The following ZC3H6 variants were observed in gnomAD, a reference collection of about 807,000 sequenced individuals.
ZC3H6 encodes the protein zinc finger CCCH-type containing 6, also known as zinc finger CCCH domain-containing protein 6.
ZC3H6 carries 40 observed loss-of-function variants against 107.7 expected under a neutral mutation model. The observed-to-expected ratio is 0.37, with a 90% CI of 0.29 to 0.48. ZC3H6 has a LOEUF of 0.48. Among genes scored for constraint, ZC3H6 ranks in the 20% least tolerant of loss-of-function variants. The pLI, the probability that ZC3H6 is intolerant of heterozygous loss-of-function variation, is 0.98. For synonymous variants in ZC3H6, 493 were observed against 487.9 expected, an observed-to-expected ratio of 1.01 and a Z score of -0.14; for missense variants, 1,267 against 1,410.4, an observed-to-expected ratio of 0.90 and a Z score of 1.63.
At chr2:112,285,190 C>G (rs1484771955) in intron 1 of ZC3H6, among the ~76,000 whole-genome samples, 2 of 152,112 alleles carry the variant, frequency 1.3e-5, no homozygotes, top group African/African-American at 2.4e-5. Context: ...TTCTTTCGTA[C>G]ATAAATAGCA....
Position 112,303,273 on chromosome 2 carries a change from T to G in ZC3H6, c.258T>G (p.Asp86Glu), listed in dbSNP as rs1219322177. The G allele has an allele frequency of 1.9e-6, 3 of 1,613,142 alleles. No homozygotes were observed. Among genetic ancestry groups the G allele is most frequent in the Non-Finnish European group, 2.5e-6 (3 of 1,179,246 alleles). ...ATGATAGTTCGGACTACAGCCTTGA[T>G]TCAGATGTTGAACATACAGAAAGTT... ...SSDDSSDYSLDSDVEHTESSH... is the reference protein window; with the variant it reads ...SSDDSSDYSLESDVEHTESSH... The change falls in exon 3 of 12, where the codon GAT becomes GAG. Residue 86 changes from aspartate to glutamate, a missense_variant. Asp to Glu is a conservative substitution (Grantham distance 45). Coordinates refer to ENST00000409871, the MANE Select transcript of ZC3H6 (RefSeq NM_198581.3).
At chr2:112,322,533 G>A (rs890726736) in intron 8 of ZC3H6, 116 bp from the exon 9 acceptor site, 14 of 1,197,166 alleles carry the variant, frequency 1.2e-5, no homozygotes, top group African/African-American at 9.3e-5. Context: ...GAGCCACTGC[G>A]ACCAGCCCAT....
At chr2:112,279,360 T>A (rs1686485840) in intron 1 of ZC3H6, among the ~76,000 whole-genome samples, 1 of 152,236 alleles carries the variant, frequency 6.6e-6, no homozygotes, top group Non-Finnish European at 1.5e-5. Context: ...AAGATAAATA[T>A]AACCCAAGTA....
In ZC3H6 at chr2:112,299,931, A is replaced by C. The variant is rs771337047; in HGVS notation, c.115A>C (p.Lys39Gln). The change falls in exon 2 of 12, where the codon AAG becomes CAG. Residue 39 changes from lysine (K) to glutamine (Q), a missense_variant. Transcript: ENST00000409871. ...AGAAAAAGAAGCAAAAGAGAATGAA[A>C]AGCAGAAAAGTGAGAAAGCCTACAG... ...IQEKEAKENE[K>Q]QKSEKAYRKS... is the part of the protein sequence containing the mutation. 5.5e-5 allele frequency: 84 copies of C among 1,517,494 alleles called. No homozygotes were observed. The highest frequency in any genetic ancestry group is 7.2e-5 in the Non-Finnish European group (82 of 1,133,106). 94.0% of individuals were successfully genotyped at this position (1,517,494 alleles called of 1,614,324 possible).
Position 112,337,233 on chromosome 2 carries a change from TC to T in ZC3H6, c.*4746del, listed in dbSNP as rs1425613110. 2.0e-5 allele frequency: 3 copies of T among 152,154 alleles called. No individual in the cohort carries two copies. Among genetic ancestry groups the T allele is most frequent in the Admixed American group, 6.5e-5 (1 of 15,270 alleles). 9.4% of individuals were successfully genotyped at this position (152,154 alleles called of 1,614,324 possible). On this transcript the variant is annotated 3_prime_UTR_variant, in exon 12 of 12. Transcript: ENST00000409871. ...ACTTCATGGTGAAAGTTTGGATTGA[TC>T]AATAATTTATTCCTATAAAGGTCTG...
At chr2:112,285,983 T>C (rs1262320303) in intron 1 of ZC3H6, 5 of 188,502 alleles carry the variant, frequency 2.7e-5, no homozygotes, top group Non-Finnish European at 5.6e-5. Flanking sequence ...ATTCTCACTT[T>C]CTGTTGTTGT....
chr2:112,294,614 C>A (rs1249511780), intron 1 of ZC3H6, among the ~76,000 whole-genome samples: 1 of 152,042 alleles, frequency 6.6e-6, no homozygotes, highest in Non-Finnish European at 1.5e-5. Context: ...TGATCTGTAG[C>A]TTGTAACAGG....
intron 11 of ZC3H6, among the ~76,000 whole-genome samples, chr2:112,328,861 C>T (rs772258244): frequency 9.2e-5 from 14 of 151,564 alleles, no homozygotes; most frequent in Non-Finnish European, 1.8e-4. Context: ...ATCGCTTGAA[C>T]CCAGGAGGCG....
At chr2:112,327,817 T>C (rs1676940826) in intron 11 of ZC3H6, among the ~76,000 whole-genome samples, 1 of 152,204 alleles carries the variant, frequency 6.6e-6, no homozygotes, top group African/African-American at 2.4e-5. Context: ...ATGGGTTCAC[T>C]GTAGATGTAT....
chr2:112,296,542 G>A (rs72833410), intron 1 of ZC3H6, among the ~76,000 whole-genome samples: 16,345 of 152,010 alleles, frequency 0.11, 1,191 homozygotes, highest in Non-Finnish European at 0.16. Context: ...CGGATTGTAA[G>A]GTTTTGTAGT....
At chr2:112,289,552 C>G (rs1676059866) in intron 1 of ZC3H6, among the ~76,000 whole-genome samples, 1 of 151,922 alleles carries the variant, frequency 6.6e-6, no homozygotes, top group Non-Finnish European at 1.5e-5. Context: ...GTCTCGATCT[C>G]CTGACCTTGT....
intron 1 of ZC3H6, among the ~76,000 whole-genome samples, chr2:112,287,299 AC>A (rs915151488): frequency 1.3e-4 from 20 of 152,252 alleles, no homozygotes; most frequent in African/African-American, 4.8e-4. Flanking sequence ...TAGCTTAGAT[AC>A]CCAAGAGAGT....
In ZC3H6 at chr2:112,303,358, C is replaced by T; in HGVS notation, c.336+7C>T. The T allele has an allele frequency of 1.9e-6, 3 of 1,608,292 alleles. No individual in the cohort carries two copies. Among genetic ancestry groups the T allele is most frequent in the Non-Finnish European group, 2.5e-6 (3 of 1,176,750 alleles). The stretch of plus-strand genomic sequence containing the variant: ...TGACATTCCATTTACTCAGGTATTG[C>T]CATTTTTTTGTTTTGTGATAAAACA... On this transcript the variant is annotated splice_region_variant and intron_variant, in intron 3 of 11. Coordinates refer to ENST00000409871, the MANE Select transcript of ZC3H6 (RefSeq NM_198581.3).
At chr2:112,324,731 T>A (rs932666155) in intron 10 of ZC3H6, 68 bp downstream of exon 10, 15 of 1,397,362 alleles carry the variant, frequency 1.1e-5, no homozygotes, top group Non-Finnish European at 1.4e-5. Context: ...ATTAAAAGCA[T>A]GACAGAAACG....
At chr2:112,288,425 C>G (rs1028269755) in intron 1 of ZC3H6, among the ~76,000 whole-genome samples, 3 of 152,160 alleles carry the variant, frequency 2.0e-5, no homozygotes, top group African/African-American at 7.2e-5. Context: ...GGGCTATCTA[C>G]TAGGTGGTAC....
Position 112,300,000 on chromosome 2 carries a change from T to C in ZC3H6, c.184T>C (p.Ser62Pro). 6.8e-7 allele frequency: 1 copy of C among 1,472,108 alleles called. No homozygotes were observed. Among genetic ancestry groups the C allele is most frequent in the Non-Finnish European group, 9.0e-7 (1 of 1,114,470 alleles). The allele number at this position is 1,472,108 out of a possible 1,614,324, so 91.2% of individuals were successfully genotyped here. A position where few individuals can be genotyped will look rare whatever the true frequency, so the allele number is the denominator to read the frequency against. The change falls in exon 2 of 12, where the codon TCC becomes CCC. Residue 62 changes from serine (S) to proline (P), a missense_variant. Ser to Pro is a moderately conservative substitution (Grantham distance 74, BLOSUM62 -1). Coordinates refer to ENST00000409871, the MANE Select transcript of ZC3H6 (RefSeq NM_198581.3). Reference sequence around the variant, plus strand: ...TAAGAAAGAGAGAGAGAAGAAAAAATCCAAAAGGAGAAAACGTGAGAAACA... The same window carrying C: ...TAAGAAAGAGAGAGAGAAGAAAAAACCCAAAAGGAGAAAACGTGAGAAACA... ...KHKKEREKKK[S>P]KRRKREKHKH... is the part of the protein sequence containing the mutation.
intron 1 of ZC3H6, among the ~76,000 whole-genome samples, chr2:112,296,082 A>G (rs975158806): frequency 6.6e-6 from 1 of 152,180 alleles, no homozygotes; most frequent in Non-Finnish European, 1.5e-5. Context: ...ACAATACTTA[A>G]ATGTATAACT....
rs1453300935 is a variant in ZC3H6, at chr2:112,335,963, T to G, written c.*3475T>G. The G allele has an allele frequency of 6.6e-6, 1 of 152,126 alleles. No homozygotes were observed. Among genetic ancestry groups the G allele is most frequent in the Non-Finnish European group, 1.5e-5 (1 of 68,026 alleles). The allele number at this position is 152,126 out of a possible 1,614,324, so 9.4% of individuals were successfully genotyped here. A position where few individuals can be genotyped will look rare whatever the true frequency, so the allele number is the denominator to read the frequency against. ...TGCTATGACAGTTCATGGTGCATGG[T>G]GTGTTTGTTTAAATCATAGCATGTT... On this transcript the variant is annotated 3_prime_UTR_variant, in exon 12 of 12. Coordinates refer to ENST00000409871, the MANE Select transcript of ZC3H6 (RefSeq NM_198581.3).
At position 112,332,154 on chromosome 2, in the gene ZC3H6, G is replaced by T; in HGVS notation, c.3236G>T (p.Gly1079Val). Residue 1079 changes from glycine to valine, a missense_variant, in exon 12 of 12, where the codon GGC becomes GTC. Transcript: ENST00000409871. ...ENSKNQKKSGGLKSSDKTEPS... is the reference protein window; with the variant it reads ...ENSKNQKKSGVLKSSDKTEPS... Reference sequence around the variant, plus strand: ...TCAAAGAACCAGAAAAAAAGTGGTGGCTTAAAAAGTAGTGACAAAACTGAA... The same window carrying T: ...TCAAAGAACCAGAAAAAAAGTGGTGTCTTAAAAAGTAGTGACAAAACTGAA... 6.2e-7 allele frequency: 1 copy of T among 1,613,888 alleles called. No homozygotes were observed. Among genetic ancestry groups the T allele is most frequent in the East Asian group, 2.2e-5 (1 of 44,876 alleles).
Sources: gnomAD v4.1 joint callset for allele counts (sites outside exome capture counted in the v4.1 genomes callset) on GRCh38, gnomAD v4.1.1 for gene constraint, MANE v1.5 for transcripts, NCBI Gene and HGNC (gene_info 2026-07-23, HGNC 2026-07-21) for gene names.